Variants in UBE2Q2 observed in about 807,000 individuals in gnomAD.
UBE2Q2 encodes the protein ubiquitin conjugating enzyme E2 Q2, also known as ubiquitin-conjugating enzyme E2 Q2.
In UBE2Q2, 54 loss-of-function variants were observed where a neutral mutation model predicts 59.9. The observed-to-expected ratio is 0.90, with a 90% CI of 0.72 to 1.13. The LOEUF (loss-of-function observed/expected upper bound fraction) is 1.13, where lower values mean the gene tolerates loss of function less well. Ranked by LOEUF, UBE2Q2 falls within the 50% of genes most tolerant of loss-of-function variation. UBE2Q2 has a pLI of 0.00. For synonymous variants in UBE2Q2, 165 were observed against 155.2 expected, an observed-to-expected ratio of 1.06 and a Z score of -0.47; for missense variants, 433 against 441.9, an observed-to-expected ratio of 0.98 and a Z score of 0.18.
At position 75,871,049 on chromosome 15, in the gene UBE2Q2, T is replaced by C. The variant is rs188011904; in HGVS notation, c.447+2039T>C. Among the ~76,000 whole-genome samples, 56 of 152,302 alleles carry C rather than the reference T, an allele frequency of 3.7e-4. 1 individual carries two copies. Among genetic ancestry groups the C allele is most frequent in the African/African-American group, 1.3e-3 (54 of 41,572 alleles). ...TTTATTGATCATTTGTAGGTGTTTC[T>C]CCGAGAGGGGGATGTGTCAGGGTCA... On this transcript the variant is annotated intron_variant, in intron 4 of 12. Transcript: ENST00000267938.
intron 8 of UBE2Q2, among the ~76,000 whole-genome samples, chr15:75,882,540 A>T (rs976597834): frequency 2.0e-5 from 3 of 148,986 alleles, no homozygotes; most frequent in South Asian, 2.1e-4. Flanking sequence ...ATAGGAGGTT[A>T]AATGAAATTG....
At chr15:75,844,142 G>T (rs1013336332) in intron 1 of UBE2Q2, 1 of 1,421,380 alleles carries the variant, frequency 7.0e-7, no homozygotes, top group South Asian at 1.5e-5. Flanking sequence ...GGCGGCCCAA[G>T]CCCTTGTGGG....
chr15:75,883,179 G>A (rs1364336606), intron 8 of UBE2Q2, among the ~76,000 whole-genome samples, 187 bp from the exon 9 acceptor site: 2 of 151,834 alleles, frequency 1.3e-5, no homozygotes, highest in Non-Finnish European at 2.9e-5. Context: ...TTCTGTTTGG[G>A]CCTGATTTTA....
chr15:75,865,712 G>T (rs1404538861), intron 3 of UBE2Q2, among the ~76,000 whole-genome samples: 1 of 152,010 alleles, frequency 6.6e-6, no homozygotes, highest in Non-Finnish European at 1.5e-5. Flanking sequence ...TTCACTATTG[G>T]TGTTACTGCT....
In UBE2Q2 at chr15:75,859,935, A is replaced by G. The variant is rs1447070506; in HGVS notation, c.340A>G (p.Lys114Glu). Reference protein sequence around the residue: ...CELCSLYNLPKHLDVEMLDQP... With the variant: ...CELCSLYNLPEHLDVEMLDQP... ...ACTCTGCAGTTTATATAACCTTCCT[A>G]AGCACCTGGATGTTGAGATGCTAGA... Residue 114 changes from lysine to glutamate, a missense_variant, in exon 3 of 13, where the codon AAG (lysine) becomes GAG (glutamate). Coordinates refer to ENST00000267938, the MANE Select transcript of UBE2Q2 (RefSeq NM_173469.4). The G allele has an allele frequency of 1.9e-6, 3 of 1,604,568 alleles. No homozygotes were observed. Among genetic ancestry groups the G allele is most frequent in the Non-Finnish European group, 1.7e-6 (2 of 1,177,334 alleles).
chr15:75,885,380 T>C (rs1248239852), intron 9 of UBE2Q2, among the ~76,000 whole-genome samples: 2 of 152,190 alleles, frequency 1.3e-5, no homozygotes, highest in Non-Finnish European at 2.9e-5. Flanking sequence ...CCTCCCAAAG[T>C]GCTGGGATTA....
intron 4 of UBE2Q2, among the ~76,000 whole-genome samples, chr15:75,869,751 G>A (rs1257965837): frequency 6.6e-6 from 1 of 152,178 alleles, no homozygotes; most frequent in Non-Finnish European, 1.5e-5. Context: ...CTGCATTTTG[G>A]AGGGAGCACA....
intron 5 of UBE2Q2, among the ~76,000 whole-genome samples, chr15:75,874,757 T>TA: frequency 6.6e-6 from 1 of 152,206 alleles, no homozygotes; most frequent in Non-Finnish European, 1.5e-5. Context: ...TGTATATATA[T>TA]AAAATGCTCA....
At chr15:75,898,730 A>G (rs991114145) in intron 12 of UBE2Q2, among the ~76,000 whole-genome samples, 1 of 152,170 alleles carries the variant, frequency 6.6e-6, no homozygotes, top group Non-Finnish European at 1.5e-5. Context: ...TGTATTCTAA[A>G]TCGCCAGGAT....
At position 75,858,836 on chromosome 15, in the gene UBE2Q2, A is replaced by G. The variant is rs578189596; in HGVS notation, c.283-1042A>G. 9.8e-5 allele frequency among the ~76,000 whole-genome samples: 15 copies of G among 152,336 alleles called. No individual in the cohort carries two copies. The South Asian group carries it at 1.5e-3, about 15-fold the overall frequency. On this transcript the variant is annotated intron_variant, in intron 2 of 12. Transcript: ENST00000267938. ...ACTGGAGCTTGGTTTCCGTTTAAGC[A>G]TGAAGATTTTTGTTGGATCGTAATT...
At chr15:75,848,238 C>G (rs1896456891) in intron 1 of UBE2Q2, among the ~76,000 whole-genome samples, 1 of 152,132 alleles carries the variant, frequency 6.6e-6, no homozygotes, top group Admixed American at 6.5e-5. Flanking sequence ...TTTGAAAATG[C>G]TTTATAACAG....
chr15:75,851,703 A>C (rs1476753585), intron 1 of UBE2Q2, among the ~76,000 whole-genome samples: 2 of 152,188 alleles, frequency 1.3e-5, no homozygotes, highest in Non-Finnish European at 2.9e-5. Flanking sequence ...TTCAAGTAAA[A>C]ATGGTATTCC....
In UBE2Q2 at chr15:75,900,445, C is replaced by T. The variant is rs1438339569; in HGVS notation, c.*987C>T. 1 of 152,510 alleles carries T rather than the reference C, an allele frequency of 6.6e-6. No homozygotes were observed. The highest frequency in any genetic ancestry group is 1.5e-5 in the Non-Finnish European group (1 of 68,014). 9.4% of individuals were successfully genotyped at this position (152,510 alleles called of 1,614,324 possible). On this transcript the variant is annotated 3_prime_UTR_variant, in exon 13 of 13. Coordinates refer to ENST00000267938, the MANE Select transcript of UBE2Q2 (RefSeq NM_173469.4). Reference sequence around the variant, plus strand: ...ACATATGTTAATTTTTTTATAGAACCTGACTCAAATCAAGGTACTCTCCAT... The same window carrying T: ...ACATATGTTAATTTTTTTATAGAACTTGACTCAAATCAAGGTACTCTCCAT...
Position 75,858,244 on chromosome 15 carries a change from A to G in UBE2Q2, c.283-1634A>G, listed in dbSNP as rs192700037. ...CATCTCCAGAGTTTCAAACCCATATATCTGTCTGTAAATCATATATGTTAG... is the reference window on the plus strand; with the variant it reads ...CATCTCCAGAGTTTCAAACCCATATGTCTGTCTGTAAATCATATATGTTAG... On this transcript the variant is annotated intron_variant, in intron 2 of 12. Transcript: ENST00000267938. Among the ~76,000 whole-genome samples the G allele has an allele frequency of 7.2e-5, 11 of 152,264 alleles. No individual in the cohort carries two copies. The East Asian group carries it at 1.7e-3, about 24-fold the overall frequency.
chr15:75,891,517 A>G (rs1437759265), intron 11 of UBE2Q2, among the ~76,000 whole-genome samples: 6 of 151,102 alleles, frequency 4.0e-5, no homozygotes, highest in Admixed American at 2.6e-4. Flanking sequence ...TATTAACTCA[A>G]TCCTCTTAAT....
At chr15:75,885,413 A>G (rs894607028) in intron 9 of UBE2Q2, among the ~76,000 whole-genome samples, 12 of 152,066 alleles carry the variant, frequency 7.9e-5, no homozygotes, top group African/African-American at 2.9e-4. Context: ...ACCGCACCCC[A>G]CCTAGTGGTT....
chr15:75,873,517 T>A lies in UBE2Q2; in HGVS notation c.537T>A (p.Asn179Lys), dbSNP rs1897907517. The change falls in exon 5 of 13, where the codon AAT (asparagine) becomes AAA (lysine). Residue 179 changes from asparagine (N) to lysine (K), a missense_variant. Coordinates refer to ENST00000267938, the MANE Select transcript of UBE2Q2 (RefSeq NM_173469.4). ...KSEDEGIEKENLAILEKIRKT... is the reference protein window; with the variant it reads ...KSEDEGIEKEKLAILEKIRKT... ...AGGATGAAGGAATTGAAAAAGAAAA[T>A]TTGGCAATATTAGAGAAAATTAGGA... The A allele has an allele frequency of 1.2e-6, 2 of 1,613,792 alleles. 1 individual carries two copies. Among genetic ancestry groups the A allele is most frequent in the East Asian group, 4.5e-5 (2 of 44,822 alleles).
intron 3 of UBE2Q2, among the ~76,000 whole-genome samples, chr15:75,868,699 A>G (rs565331565): frequency 5.3e-5 from 8 of 152,276 alleles, no homozygotes; most frequent in African/African-American, 1.9e-4. Flanking sequence ...TTTGCTTTAT[A>G]TTTGATTGCT....
chr15:75,900,004 G>A lies in UBE2Q2; in HGVS notation c.*546G>A, dbSNP rs1899667250. ...TTGTTAAACTTTTTAATGACTATGTGAAGATATGAATTGTTTCCTGAAGAT... is the reference window on the plus strand; with the variant it reads ...TTGTTAAACTTTTTAATGACTATGTAAAGATATGAATTGTTTCCTGAAGAT... On this transcript the variant is annotated 3_prime_UTR_variant, in exon 13 of 13. Transcript: ENST00000267938. 6.5e-6 allele frequency: 1 copy of A among 152,690 alleles called. No individual in the cohort carries two copies. Among genetic ancestry groups the A allele is most frequent in the South Asian group, 2.1e-4 (1 of 4,834 alleles). 9.5% of individuals were successfully genotyped at this position (152,690 alleles called of 1,614,324 possible).
Sources: allele counts gnomAD v4.1 joint callset (sites outside exome capture counted in the v4.1 genomes callset), GRCh38; gene constraint gnomAD v4.1.1; transcripts MANE v1.5; gene names NCBI Gene and HGNC (gene_info 2026-07-23, HGNC 2026-07-21).